Variants in NRXN2 observed in about 807,000 individuals in gnomAD.
The protein encoded by NRXN2 is neurexin 2, also known as neurexin-2-beta.
A neutral mutation model predicts 128.8 loss-of-function variants in NRXN2; 29 were observed. The observed-to-expected ratio is 0.23, with a 90% CI of 0.17 to 0.31. The LOEUF is 0.31. NRXN2 is among the 10% of genes least tolerant of loss of function. The pLI is 1.00. For missense variants in NRXN2, 1,881 were observed against 2,452.6 expected (o/e 0.77, Z 4.92); for synonymous variants, 1,098 against 1,075.2 (o/e 1.02, Z -0.41).
chr11:64,696,563 A>C (rs1466695638), intron 3 of NRXN2, among the ~76,000 whole-genome samples: 1 of 148,480 alleles, frequency 6.7e-6, no homozygotes, highest in African/African-American at 2.5e-5. Context: ...ACACACACAC[A>C]CCTGCCTGCT....
intron 7 of NRXN2, among the ~76,000 whole-genome samples, chr11:64,670,157 C>T (rs2050435624): frequency 6.6e-6 from 1 of 152,068 alleles, no homozygotes. Flanking sequence ...AGCTAAGCCC[C>T]ACTCTCCACC....
intron 4 of NRXN2, among the ~76,000 whole-genome samples, chr11:64,691,915 C>T (rs868026692): frequency 2.6e-5 from 4 of 152,224 alleles, no homozygotes; most frequent in South Asian, 2.1e-4. Flanking sequence ...ATGACCCCCC[C>T]ACAGAGGGCT....
At chr11:64,619,353 C>A (rs1349438691) in intron 22 of NRXN2, among the ~76,000 whole-genome samples, 1 of 152,052 alleles carries the variant, frequency 6.6e-6, no homozygotes, top group African/African-American at 2.4e-5. Flanking sequence ...CCTCTGCCAG[C>A]CTCAAGTATC....
intron 3 of NRXN2, among the ~76,000 whole-genome samples, chr11:64,694,379 C>T (rs2054220553): frequency 6.6e-6 from 1 of 152,210 alleles, no homozygotes; most frequent in Admixed American, 6.5e-5. Flanking sequence ...ATTTCTGAGA[C>T]GAAGCTGGGG....
Position 64,651,148 on chromosome 11 carries a change from G to T in NRXN2, c.2918+107C>A. On this transcript the variant is annotated intron_variant, in intron 14 of 22. Coordinates refer to ENST00000265459, the MANE Select transcript of NRXN2 (RefSeq NM_015080.4). The surrounding 1 kb of genome is among the most constrained non-coding windows in gnomAD (Gnocchi z 5.9). ...GTCGGGGACCTGAATCTTGACTTGT[G>T]ATCTGGGGGGATTGGACACCTCGGC... The T allele has an allele frequency of 6.7e-7, 1 of 1,481,816 alleles. No homozygotes were observed. Among genetic ancestry groups the T allele is most frequent in the Non-Finnish European group, 9.3e-7 (1 of 1,071,952 alleles). The allele number at this position is 1,481,816 out of a possible 1,614,324, so 91.8% of individuals were successfully genotyped here.
intron 1 of NRXN2, among the ~76,000 whole-genome samples, chr11:64,721,802 A>T (rs1201731943): frequency 6.6e-6 from 1 of 152,072 alleles, no homozygotes; most frequent in African/African-American, 2.4e-5. Flanking sequence ...AACACATGAA[A>T]AAACAGGGCT....
intron 5 of NRXN2, among the ~76,000 whole-genome samples, chr11:64,687,669 G>A (rs193144314): frequency 5.3e-5 from 8 of 152,336 alleles, no homozygotes; most frequent in Non-Finnish European, 1.2e-4. Flanking sequence ...AAGGAGGGAG[G>A]TGGGGCAGAG....
chr11:64,613,745 T>C (rs2041040978), intron 22 of NRXN2, among the ~76,000 whole-genome samples: 1 of 152,188 alleles, frequency 6.6e-6, no homozygotes, highest in Non-Finnish European at 1.5e-5. Flanking sequence ...AAACAAATGT[T>C]ACTTTAACTA....
chr11:64,607,649 C>T lies in NRXN2; in HGVS notation c.4686G>A (p.Ala1562=), dbSNP rs1040545865. 3 of 1,516,388 alleles carry T rather than the reference C, an allele frequency of 2.0e-6. No individual in the cohort carries two copies. The highest frequency in any genetic ancestry group is 2.7e-6 in the Non-Finnish European group (3 of 1,130,670). The allele number at this position is 1,516,388 out of a possible 1,614,324, so 93.9% of individuals were successfully genotyped here. A position where few individuals can be genotyped will look rare whatever the true frequency, so the allele number is the denominator to read the frequency against. Residue 1562 remains alanine, a synonymous_variant, in exon 23 of 23, where the codon GCG becomes GCA. Transcript: ENST00000265459. ...APSAPAPNLP[A]GKMNHRDPLQ... ...GCGGGTCTCGGTGGTTCATTTTGCC[C>T]GCCGGCAGGTTGGGGGCCGGGGCGG...
At chr11:64,642,420 G>T in intron 17 of NRXN2, 1 of 1,384,998 alleles carries the variant, frequency 7.2e-7, no homozygotes. Flanking sequence ...ACGCAAAGCA[G>T]AGGGGCCAGG....
intron 2 of NRXN2, among the ~76,000 whole-genome samples, chr11:64,699,984 G>A (rs2055106175): frequency 2.0e-5 from 3 of 152,204 alleles, no homozygotes. Context: ...TGCTCAGGAA[G>A]GTGAAACAAC....
rs531673909 is a variant in NRXN2, at chr11:64,665,468, G to C, written c.1798+1782C>G. Among the ~76,000 whole-genome samples, 7 of 152,322 alleles carry C rather than the reference G, an allele frequency of 4.6e-5. No homozygotes were observed. The East Asian group carries it at 1.3e-3, about 29-fold the overall frequency. On this transcript the variant is annotated intron_variant, in intron 9 of 22. Transcript: ENST00000265459. Reference sequence around the variant, plus strand: ...AGTGCCCTGCAAGGCTTGGGCAGACGTCCAACCTAGAGTGTTACTGACCAC... The same window carrying C: ...AGTGCCCTGCAAGGCTTGGGCAGACCTCCAACCTAGAGTGTTACTGACCAC...
chr11:64,639,916 G>C (rs1190133878), intron 17 of NRXN2, among the ~76,000 whole-genome samples: 2 of 152,136 alleles, frequency 1.3e-5, no homozygotes, highest in Non-Finnish European at 2.9e-5. Context: ...AGGGTCCCAA[G>C]AAGAGCCTGT....
chr11:64,666,240 C>T lies in NRXN2; in HGVS notation c.1798+1010G>A, dbSNP rs372306860. ...TTTTTTTTTGACAGTCTTCCTCTGT[C>T]GCCCAGGCTGGAGTGCAATGGCAGG... On this transcript the variant is annotated intron_variant, in intron 9 of 22. Transcript: ENST00000265459. Among the ~76,000 whole-genome samples the T allele has an allele frequency of 2.3e-3, 341 of 146,694 alleles. 1 individual carries two copies. The highest frequency in any genetic ancestry group is 8.4e-3 in the African/African-American group (328 of 39,258).
chr11:64,713,719 C>G lies in NRXN2; in HGVS notation c.-20G>C, dbSNP rs1235838971. 2 of 1,049,518 alleles carry G rather than the reference C, an allele frequency of 1.9e-6. No individual in the cohort carries two copies. Among genetic ancestry groups the G allele is most frequent in the African/African-American group, 1.7e-5 (1 of 58,378 alleles). The allele number at this position is 1,049,518 out of a possible 1,614,324, so 65.0% of individuals were successfully genotyped here. A position where few individuals can be genotyped will look rare whatever the true frequency, so the allele number is the denominator to read the frequency against. ...CGCCATGCCTACGGCGGCCCCGGCC[C>G]CGCCCGGCCCCCGGCCCCCGCTCAG... is the stretch of plus-strand genomic sequence containing the variant. On this transcript the variant is annotated 5_prime_UTR_variant, in exon 2 of 23. Transcript: ENST00000265459.
At chr11:64,675,026 TC>T (rs150616785) in intron 7 of NRXN2, among the ~76,000 whole-genome samples, 2,651 of 152,288 alleles carry the variant, frequency 0.017, 65 homozygotes, top group African/African-American at 0.059. Context: ...AGGATGGTAT[TC>T]CCCAGAGGCT....
chr11:64,609,047 G>A (rs2040199293), intron 22 of NRXN2, among the ~76,000 whole-genome samples: 1 of 152,106 alleles, frequency 6.6e-6, no homozygotes, highest in Non-Finnish European at 1.5e-5. Context: ...ATGAGGAAGA[G>A]TGGGCAGGGA....
At chr11:64,621,539 CA>C (rs1249481969) in intron 21 of NRXN2, among the ~76,000 whole-genome samples, 1 of 152,120 alleles carries the variant, frequency 6.6e-6, no homozygotes, top group Non-Finnish European at 1.5e-5. Context: ...AGCCTAGTCC[CA>C]GGCTTCCTGC....
intron 19 of NRXN2, among the ~76,000 whole-genome samples, chr11:64,627,892 G>A (rs1335145453): frequency 6.6e-6 from 1 of 152,172 alleles, no homozygotes; most frequent in Non-Finnish European, 1.5e-5. Context: ...CACCTGCCCA[G>A]AGACCCGGGC....
Sources: allele counts gnomAD v4.1 joint callset (sites outside exome capture counted in the v4.1 genomes callset), GRCh38; gene constraint gnomAD v4.1.1; non-coding constraint Gnocchi (gnomAD v3.1); transcripts MANE v1.5; gene names NCBI Gene and HGNC (gene_info 2026-07-23, HGNC 2026-07-21).